AZIN1: variants seen among roughly 807,000 people sequenced by gnomAD.
The protein encoded by AZIN1 is antizyme inhibitor 1.
In AZIN1, 12 loss-of-function variants were observed where a neutral mutation model predicts 47.4. The ratio of observed to expected loss-of-function variants is 0.25; its 90% confidence interval spans 0.16 to 0.41. The LOEUF (loss-of-function observed/expected upper bound fraction) is 0.41. Among genes scored for constraint, AZIN1 ranks in the 10% least tolerant of loss-of-function variants. The pLI, the probability that AZIN1 is intolerant of heterozygous loss-of-function variation, is 1.00. For missense variants in AZIN1, 410 were observed against 532.4 expected, an observed-to-expected ratio of 0.77 and a Z score of 2.26; for synonymous variants, 155 against 176.3, an observed-to-expected ratio of 0.88 and a Z score of 0.96.
At position 102,828,460 on chromosome 8, in the gene AZIN1, C is replaced by T; in HGVS notation, c.*107G>A. 1.4e-6 allele frequency: 1 copy of T among 726,628 alleles called. No individual in the cohort carries two copies. Among genetic ancestry groups the T allele is most frequent in the Non-Finnish European group, 2.2e-6 (1 of 465,020 alleles). The allele number at this position is 726,628 out of a possible 1,614,324, so 45.0% of individuals were successfully genotyped here. ...AGCTATTACTAATAGTTTTTGTTGC[C>T]AAAAGAATTAAGAGAATAAGATTGT... On this transcript the variant is annotated 3_prime_UTR_variant, in exon 12 of 12. Transcript: ENST00000337198.
rs1261245595 is a variant in AZIN1, at chr8:102,826,974, T to C, written c.*1593A>G. 1 of 152,558 alleles carries C rather than the reference T, an allele frequency of 6.6e-6. No individual in the cohort carries two copies. The highest frequency in any genetic ancestry group is 1.5e-5 in the Non-Finnish European group (1 of 68,008). 9.5% of individuals were successfully genotyped at this position (152,558 alleles called of 1,614,324 possible). On this transcript the variant is annotated 3_prime_UTR_variant, in exon 12 of 12. Coordinates refer to ENST00000337198, the MANE Select transcript of AZIN1 (RefSeq NM_148174.4). ...CCCATGAGATTTAAATGGGCATTAA[T>C]CAAATCAAAAAATATTAAGCACCTA...
At chr8:102,839,201 G>A (rs1812019711) in intron 4 of AZIN1, among the ~76,000 whole-genome samples, 1 of 152,110 alleles carries the variant, frequency 6.6e-6, no homozygotes, top group African/African-American at 2.4e-5. Flanking sequence ...AATAAAAAGT[G>A]AGACGAGGTC....
At position 102,839,855 on chromosome 8, in the gene AZIN1, GAACA is replaced by G. The variant is rs1294183098; in HGVS notation, c.103-36_103-33del. 3 of 1,496,078 alleles carry G rather than the reference GAACA, an allele frequency of 2.0e-6. No homozygotes were observed. In the African/African-American group the frequency reaches 4.2e-5, roughly 21 times the overall value. The allele number at this position is 1,496,078 out of a possible 1,614,324, so 92.7% of individuals were successfully genotyped here. The stretch of plus-strand genomic sequence containing the variant: ...TGGTTATAAAAAAAAAGACAAATAT[GAACA>G]AAAAACCATTGAAAATCAAGTATCA... On this transcript the variant is annotated intron_variant, in intron 3 of 11. Coordinates refer to ENST00000337198, the MANE Select transcript of AZIN1 (RefSeq NM_148174.4).
rs1812097156 is a variant in AZIN1, at chr8:102,840,285, A to G, written c.103-462T>C. Among the ~76,000 whole-genome samples, 4 of 152,240 alleles carry G rather than the reference A, an allele frequency of 2.6e-5. No homozygotes were observed. In the South Asian group the frequency reaches 6.2e-4, roughly 24 times the overall value. On this transcript the variant is annotated intron_variant, in intron 3 of 11. Transcript: ENST00000337198. Reference sequence around the variant, plus strand: ...AAACAAGCTATATATCGCCATTAAAACTGCACCTTAAGACAACATGGTAAA... The same window carrying G: ...AAACAAGCTATATATCGCCATTAAAGCTGCACCTTAAGACAACATGGTAAA...
Position 102,828,692 on chromosome 8 carries a change from A to C in AZIN1, c.1236-14T>G. 6.4e-7 allele frequency: 1 copy of C among 1,557,782 alleles called. No individual in the cohort carries two copies. The highest frequency in any genetic ancestry group is 1.1e-5 in the South Asian group (1 of 88,072). On this transcript the variant is annotated splice_polypyrimidine_tract_variant and intron_variant, in intron 11 of 11. Coordinates refer to ENST00000337198, the MANE Select transcript of AZIN1 (RefSeq NM_148174.4). ...TGCATCTCATACCTACGTAGAAAAAAAATCAGCTAAATTCTCAGTTTAAGC... is the reference window on the plus strand; with the variant it reads ...TGCATCTCATACCTACGTAGAAAAACAATCAGCTAAATTCTCAGTTTAAGC...
intron 2 of AZIN1, among the ~76,000 whole-genome samples, chr8:102,848,838 T>C (rs1812747600): frequency 6.6e-6 from 1 of 152,186 alleles, no homozygotes; most frequent in Admixed American, 6.5e-5. Context: ...CACTAAGAAA[T>C]ATTTTGCCAA....
chr8:102,847,350 TAA>T (rs34083752), intron 2 of AZIN1, among the ~76,000 whole-genome samples: 26,911 of 133,602 alleles, frequency 0.2, 2,594 homozygotes, highest in Middle Eastern at 0.28. Context: ...ACCCATCTCT[TAA>T]AAAAAAAAAA....
intron 4 of AZIN1, among the ~76,000 whole-genome samples, 176 bp downstream of exon 4, chr8:102,839,474 T>C (rs1481568041): frequency 1.3e-5 from 2 of 152,192 alleles, no homozygotes; most frequent in African/African-American, 4.8e-5. Context: ...AACTTCCCTT[T>C]CATTGGTGCA....
intron 9 of AZIN1, 62 bp from the exon 10 acceptor site, chr8:102,829,998 T>C (rs758417076): frequency 8.5e-6 from 9 of 1,055,596 alleles, no homozygotes; most frequent in Non-Finnish European, 1.3e-5. Flanking sequence ...TGAAACAAAT[T>C]AATGTAATTT....
chr8:102,830,412 A>AAG (rs1233455634), intron 9 of AZIN1, among the ~76,000 whole-genome samples: 6 of 151,594 alleles, frequency 4.0e-5, no homozygotes, highest in African/African-American at 1.5e-4. Flanking sequence ...AAAAAAAAAA[A>AAG]AAAAAAAAGA....
chr8:102,850,769 T>C (rs1463540697), intron 2 of AZIN1, among the ~76,000 whole-genome samples: 1 of 152,070 alleles, frequency 6.6e-6, no homozygotes. Context: ...GGTGATGAGG[T>C]TGAAAAAACT....
intron 1 of AZIN1, among the ~76,000 whole-genome samples, chr8:102,863,246 T>C (rs901412704): frequency 6.6e-6 from 1 of 151,496 alleles, no homozygotes; most frequent in Non-Finnish European, 1.5e-5. Flanking sequence ...GAATCCGACT[T>C]CCTCCGCAGC....
At position 102,863,868 on chromosome 8, in the gene AZIN1, G is replaced by C. The variant is rs1366630338; in HGVS notation, c.-295C>G. 1 of 152,820 alleles carries C rather than the reference G, an allele frequency of 6.5e-6. No homozygotes were observed. The highest frequency in any genetic ancestry group is 1.9e-4 in the East Asian group (1 of 5,196). 9.5% of individuals were successfully genotyped at this position (152,820 alleles called of 1,614,324 possible). A position where few individuals can be genotyped will look rare whatever the true frequency, so the allele number is the denominator to read the frequency against. On this transcript the variant is annotated 5_prime_UTR_variant, in exon 1 of 12. Transcript: ENST00000337198. ...TCTCTTTTTCGGCGGAATTTTTAAA[G>C]AGGGATGTGGTTACCTTGAGCAGAA...
intron 3 of AZIN1, among the ~76,000 whole-genome samples, chr8:102,840,899 C>A (rs989476578): frequency 3.9e-5 from 6 of 152,150 alleles, no homozygotes; most frequent in Non-Finnish European, 8.8e-5. Context: ...AGTTATCCAT[C>A]CTCCCAAGAT....
intron 1 of AZIN1, among the ~76,000 whole-genome samples, 176 bp downstream of exon 1, chr8:102,863,631 C>A (rs1469254952): frequency 6.7e-6 from 1 of 148,450 alleles, no homozygotes; most frequent in Non-Finnish European, 1.5e-5. Context: ...CCAGCCCCGC[C>A]GCCGCCGCCG....
intron 9 of AZIN1, 64 bp from the exon 10 acceptor site, chr8:102,830,000 ATGTAATTT>A (rs1343242332): frequency 9.5e-7 from 1 of 1,056,292 alleles, no homozygotes; most frequent in East Asian, 2.4e-5. Context: ...AAACAAATTA[ATGTAATTT>A]TCACATTTCT....
At chr8:102,834,157 A>C in intron 8 of AZIN1, 32 bp downstream of exon 8, 1 of 1,570,036 alleles carries the variant, frequency 6.4e-7, no homozygotes, top group Non-Finnish European at 8.7e-7. Context: ...GAAAGCAATT[A>C]TTCTGTTAAT....
chr8:102,851,828 C>T (rs1335939719), intron 2 of AZIN1, among the ~76,000 whole-genome samples: 2 of 152,098 alleles, frequency 1.3e-5, no homozygotes, highest in African/African-American at 2.4e-5. Context: ...TCTATGTGAC[C>T]CTAAAACAGT....
intron 2 of AZIN1, among the ~76,000 whole-genome samples, chr8:102,845,009 C>T (rs141341710): frequency 6.6e-4 from 101 of 152,340 alleles, no homozygotes; most frequent in African/African-American, 2.3e-3. Flanking sequence ...GTCCACCAGA[C>T]AGGATACTAC....
Sources: gnomAD v4.1 joint callset for allele counts (sites outside exome capture counted in the v4.1 genomes callset) on GRCh38, gnomAD v4.1.1 for gene constraint, MANE v1.5 for transcripts, NCBI Gene and HGNC (gene_info 2026-07-23, HGNC 2026-07-21) for gene names.